Variants in SYNJ2 observed in about 807,000 individuals in gnomAD.
SYNJ2 encodes synaptojanin 2, also known as polyphosphatidylinositol phosphatase SYNJ2.
In SYNJ2, 116 loss-of-function variants were observed where a neutral mutation model predicts 141.3. That is an observed-to-expected ratio of 0.82 (90% CI 0.71 to 0.96). The LOEUF (loss-of-function observed/expected upper bound fraction) is 0.96. SYNJ2 is among the 40% of genes least tolerant of loss of function. SYNJ2 has a pLI of 0.00. For missense variants in SYNJ2, 1,873 were observed against 1,934.8 expected (o/e 0.97, Z 0.60); for synonymous variants, 745 against 777.7 (o/e 0.96, Z 0.70).
chr6:157,983,383 T>A (rs1209070155), intron 1 of SYNJ2, among the ~76,000 whole-genome samples: 1 of 152,266 alleles, frequency 6.6e-6, no homozygotes. Context: ...TAAGTTTGGT[T>A]ATTTGGTGTG....
In SYNJ2 at chr6:158,070,371, C is replaced by T; in HGVS notation, c.1940+698C>T. On this transcript the variant is annotated intron_variant, in intron 14 of 26. Coordinates refer to ENST00000355585, the MANE Select transcript of SYNJ2 (RefSeq NM_003898.4). This position sits in a 1 kb window ranked among gnomAD's most constrained non-coding sequence, Gnocchi z 4.0. ...GTGCCTGCCAAGAGCACCACGGGTA[C>T]ACCCCTGCAGCACCTGGAGACTAAG... 4.1e-6 allele frequency: 4 copies of T among 985,504 alleles called. No homozygotes were observed. Among genetic ancestry groups the T allele is most frequent in the African/African-American group, 1.7e-5 (1 of 57,344 alleles). The allele number at this position is 985,504 out of a possible 1,614,324, so 61.0% of individuals were successfully genotyped here.
intron 11 of SYNJ2, 47 bp from the exon 12 acceptor site, chr6:158,066,397 G>C (rs1262406864): frequency 6.2e-7 from 1 of 1,607,468 alleles, no homozygotes; most frequent in Admixed American, 1.7e-5. Flanking sequence ...GAGGATGCCT[G>C]AGCTTTGGAA....
chr6:158,003,352 A>G (rs1402779146), intron 1 of SYNJ2, among the ~76,000 whole-genome samples: 2 of 152,146 alleles, frequency 1.3e-5, no homozygotes, highest in African/African-American at 4.8e-5. Flanking sequence ...CCCTTTGCTT[A>G]GCAACCAGCT....
chr6:157,981,655 C>A (rs1039741832), upstream of SYNJ2, among the ~76,000 whole-genome samples: 20 of 151,974 alleles, frequency 1.3e-4, no homozygotes, highest in Non-Finnish European at 2.4e-4. This position sits in a 1 kb window ranked among gnomAD's most constrained non-coding sequence, Gnocchi z 6.4. Context: ...ATCCGGGAGG[C>A]TCTTCCGCTC....
Position 158,070,018 on chromosome 6 carries a change from TG to T in SYNJ2, c.1940+348del. The T allele has an allele frequency of 1.8e-6, 1 of 553,900 alleles. No individual in the cohort carries two copies. Among genetic ancestry groups the T allele is most frequent in the Non-Finnish European group, 2.3e-6 (1 of 427,232 alleles). The allele number at this position is 553,900 out of a possible 1,614,324, so 34.3% of individuals were successfully genotyped here. On this transcript the variant is annotated intron_variant, in intron 14 of 26. Transcript: ENST00000355585. This position sits in a 1 kb window ranked among gnomAD's most constrained non-coding sequence, Gnocchi z 4.0. ...TCTGACCAAGAGCTGAGTAACTCACTGGGAAATGCCAACTCTTTTGTCCCTT... is the reference window on the plus strand; with the variant it reads ...TCTGACCAAGAGCTGAGTAACTCACTGGAAATGCCAACTCTTTTGTCCCTT...
At chr6:158,066,378 G>A in intron 11 of SYNJ2, 66 bp from the exon 12 acceptor site, 2 of 1,579,964 alleles carry the variant, frequency 1.3e-6, no homozygotes, top group Non-Finnish European at 1.7e-6. Context: ...AGCCTCATCT[G>A]TCTTTTTGGA....
intron 1 of SYNJ2, among the ~76,000 whole-genome samples, chr6:158,012,638 T>C (rs1778308806): frequency 6.6e-6 from 1 of 152,246 alleles, no homozygotes; most frequent in African/African-American, 2.4e-5. Context: ...TGTAAGGTCA[T>C]GAGTCTGTGC....
chr6:158,081,760 C>T (rs370784630), intron 20 of SYNJ2, among the ~76,000 whole-genome samples: 2 of 151,834 alleles, frequency 1.3e-5, no homozygotes, highest in East Asian at 1.9e-4. Context: ...TAGCTGGGAC[C>T]GCAGGCACGT....
Position 157,982,102 on chromosome 6 carries a change from G to C in SYNJ2, c.127+14G>C. The C allele has an allele frequency of 7.6e-7, 1 of 1,313,452 alleles. No individual in the cohort carries two copies. Among genetic ancestry groups the C allele is most frequent in the Non-Finnish European group, 9.7e-7 (1 of 1,032,582 alleles). 81.4% of individuals were successfully genotyped at this position (1,313,452 alleles called of 1,614,324 possible). On this transcript the variant is annotated intron_variant, in intron 1 of 26. Transcript: ENST00000355585. This position sits in a 1 kb window ranked among gnomAD's most constrained non-coding sequence, Gnocchi z 4.0. ...TGGCCACGCTGGGTGAGTCCGGGCCGGGGGCAGCGACGCCCGGAGGAGAGG... is the reference window on the plus strand; with the variant it reads ...TGGCCACGCTGGGTGAGTCCGGGCCCGGGGCAGCGACGCCCGGAGGAGAGG...
chr6:158,007,836 A>T (rs1304131724), intron 1 of SYNJ2, among the ~76,000 whole-genome samples: 1 of 151,992 alleles, frequency 6.6e-6, no homozygotes, highest in Non-Finnish European at 1.5e-5. Flanking sequence ...AGAGACTAAA[A>T]ACAGGGTAGT....
chr6:158,003,563 C>T (rs1022465054), intron 1 of SYNJ2, among the ~76,000 whole-genome samples: 10 of 152,214 alleles, frequency 6.6e-5, no homozygotes, highest in Non-Finnish European at 1.2e-4. Flanking sequence ...GCCACAAATG[C>T]TACCTCAGTC....
chr6:158,017,647 T>C, intron 2 of SYNJ2: 1 of 446,552 alleles, frequency 2.2e-6, no homozygotes, highest in Non-Finnish European at 4.6e-6. Flanking sequence ...AACTCCGACC[T>C]CAGGTGGTCC....
At chr6:158,089,998 A>G in intron 25 of SYNJ2, 51 bp downstream of exon 25, 1 of 1,316,148 alleles carries the variant, frequency 7.6e-7, no homozygotes, top group Non-Finnish European at 1.1e-6. Flanking sequence ...TTTTCTTTTT[A>G]TCTCCCTGCT....
intron 3 of SYNJ2, among the ~76,000 whole-genome samples, chr6:158,032,859 G>A (rs1386993093): frequency 6.6e-6 from 1 of 152,188 alleles, no homozygotes; most frequent in African/African-American, 2.4e-5. Context: ...GGCATGGAGA[G>A]GGAATACTTG....
At chr6:158,011,597 G>A (rs1778273022) in intron 1 of SYNJ2, among the ~76,000 whole-genome samples, 1 of 152,104 alleles carries the variant, frequency 6.6e-6, no homozygotes, top group Admixed American at 6.6e-5. Context: ...GTTTTTACTT[G>A]TGCTTAATTT....
chr6:158,016,733 C>T (rs956228220), intron 1 of SYNJ2, among the ~76,000 whole-genome samples: 3 of 152,156 alleles, frequency 2.0e-5, no homozygotes, highest in African/African-American at 7.2e-5. Flanking sequence ...CGCAGCTTTC[C>T]TTGGGATGGG....
intron 1 of SYNJ2, among the ~76,000 whole-genome samples, chr6:157,999,805 A>G (rs1355982975): frequency 1.3e-5 from 2 of 152,220 alleles, no homozygotes; most frequent in Non-Finnish European, 1.5e-5. Flanking sequence ...GGCTTCCCCA[A>G]GGAGGGGCCC....
intron 2 of SYNJ2, among the ~76,000 whole-genome samples, chr6:158,020,257 GACTGTGTGACCCCCACCTGCGTGAC>G (rs1778693553): frequency 7.5e-6 from 1 of 134,210 alleles, no homozygotes; most frequent in African/African-American, 3.3e-5. Context: ...GCGTGACTCT[GACTGTGTGACCCCCACCTGCGTGAC>G]TCCGACTGTG....
At chr6:158,036,813 A>G (rs1026879604) in intron 4 of SYNJ2, among the ~76,000 whole-genome samples, 1 of 152,242 alleles carries the variant, frequency 6.6e-6, no homozygotes, top group South Asian at 2.1e-4. Flanking sequence ...AAAAGGGGAC[A>G]GAGAGAGAAG....
Sources: allele counts gnomAD v4.1 joint callset (sites outside exome capture counted in the v4.1 genomes callset), GRCh38; gene constraint gnomAD v4.1.1; non-coding constraint Gnocchi (gnomAD v3.1); transcripts MANE v1.5; gene names NCBI Gene and HGNC (gene_info 2026-07-23, HGNC 2026-07-21).